COL11A2: variants seen among roughly 807,000 people sequenced by gnomAD.
COL11A2 encodes collagen alpha-2(XI) chain.
COL11A2 carries 116 observed loss-of-function variants against 273.4 expected under a neutral mutation model. The ratio of observed to expected loss-of-function variants is 0.42; its 90% CI spans 0.36 to 0.49. The LOEUF (loss-of-function observed/expected upper bound fraction) is 0.49, where lower values mean the gene tolerates loss of function less well. Ranked by LOEUF, COL11A2 falls within the 20% of genes least tolerant of loss-of-function variation. The pLI is 0.00. For synonymous variants in COL11A2, 782 were observed against 864.2 expected, an observed-to-expected ratio of 0.90 and a Z score of 1.67; for missense variants, 1,866 against 2,309.0, an observed-to-expected ratio of 0.81 and a Z score of 3.93.
In COL11A2 at chr6:33,184,144, C is replaced by T. The variant is rs367706373; in HGVS notation, c.1119+1G>A. On this transcript the variant is annotated splice_donor_variant, in intron 8 of 65. Transcript: ENST00000341947. LOFTEE classifies it high-confidence loss of function. ...ATGAAAGAGAAGCTCCTTTCACTTA[C>T]GGCTCCTGAGTGGGCTGTCTCCGCA... The T allele has an allele frequency of 4.4e-6, 6 of 1,367,102 alleles. No homozygotes were observed. The highest frequency in any genetic ancestry group is 4.5e-5 in the East Asian group (1 of 22,008). The allele number at this position is 1,367,102 out of a possible 1,614,324, so 84.7% of individuals were successfully genotyped here.
In COL11A2 at chr6:33,169,307, C is replaced by T; in HGVS notation, c.3798+76G>A. On this transcript the variant is annotated intron_variant, in intron 51 of 65. Coordinates refer to ENST00000341947, the MANE Select transcript of COL11A2 (RefSeq NM_080680.3). The surrounding 1 kb of genome is among the most constrained non-coding windows in gnomAD (Gnocchi z 5.5). Reference sequence around the variant, plus strand: ...GGCTCCCCACACTCCAAGATCCTCCCTCACACACACCCATATTCCCAGGTC... The same window carrying T: ...GGCTCCCCACACTCCAAGATCCTCCTTCACACACACCCATATTCCCAGGTC... 7.3e-7 allele frequency: 1 copy of T among 1,361,940 alleles called. No homozygotes were observed. The highest frequency in any genetic ancestry group is 1.2e-5 in the South Asian group (1 of 83,116). 84.4% of individuals were successfully genotyped at this position (1,361,940 alleles called of 1,614,324 possible). A position where few individuals can be genotyped will look rare whatever the true frequency, so the allele number is the denominator to read the frequency against.
rs552564095 is a variant in COL11A2 at position 33,189,309 on chromosome 6, G to A, written c.232+11C>T. 2 of 1,613,966 alleles carry A rather than the reference G, an allele frequency of 1.2e-6. No homozygotes were observed. The highest frequency in any genetic ancestry group is 2.2e-5 in the East Asian group (1 of 44,888). Reference sequence around the variant, plus strand: ...CCTCCCCCCAGGCCTACCCCACCATGTCACCCATACCTGGGAAAAGCTGGC... The same window carrying A: ...CCTCCCCCCAGGCCTACCCCACCATATCACCCATACCTGGGAAAAGCTGGC... On this transcript the variant is annotated intron_variant, in intron 2 of 65. Transcript: ENST00000341947. The surrounding 1 kb of genome is among the most constrained non-coding windows in gnomAD (Gnocchi z 5.6).
Position 33,192,414 on chromosome 6 carries a change from G to T in COL11A2, c.-174C>A, listed in dbSNP as rs138299820. 0.012 allele frequency: 7,685 copies of T among 659,880 alleles called. 181 individuals are homozygous for T. The highest frequency in any genetic ancestry group is 0.067 in the African/African-American group (3,706 of 55,188). 40.9% of individuals were successfully genotyped at this position (659,880 alleles called of 1,614,324 possible). On this transcript the variant is annotated 5_prime_UTR_variant, in exon 1 of 66. Coordinates refer to ENST00000341947, the MANE Select transcript of COL11A2 (RefSeq NM_080680.3). ...CAGCGGCCCAGCTCCATGCAGCAAG[G>T]CGCCGTCGGGGCTCCCGGCACTGCT...
Position 33,173,164 on chromosome 6 carries a change from G to T in COL11A2, c.2737-51C>A. 1 of 1,584,282 alleles carries T rather than the reference G, an allele frequency of 6.3e-7. No homozygotes were observed. ...AGTGAAAGCAGGTGTGGGCGCTGTG[G>T]GGCAGATTCCCAGGAGGAAGGATCC... On this transcript the variant is annotated intron_variant, in intron 37 of 65. Coordinates refer to ENST00000341947, the MANE Select transcript of COL11A2 (RefSeq NM_080680.3). This position sits in a 1 kb window ranked among gnomAD's most constrained non-coding sequence, Gnocchi z 6.3.
intron 3 of COL11A2, 124 bp downstream of exon 3, chr6:33,188,854 G>T: frequency 8.9e-7 from 1 of 1,124,302 alleles, no homozygotes; most frequent in Non-Finnish European, 1.4e-6. Context: ...TGAAGTTTGG[G>T]CAGTGGGTAG....
At position 33,172,319 on chromosome 6, in the gene COL11A2, G is replaced by T; in HGVS notation, c.2958C>A (p.Phe986Leu). ...TGCCTGGGAGGCCTCTCTCTCCTGG[G>T]AATCCCCTCAGACCAGCAGGACCAT... ...GKDGPAGLRG[F>L]PGERGLPGTA... The change falls in exon 40 of 66, where the codon TTC (phenylalanine) becomes TTA (leucine). Residue 986 changes from phenylalanine to leucine, a missense_variant. Physicochemically the swap from Phe to Leu is conservative, Grantham distance 22. Coordinates refer to ENST00000341947, the MANE Select transcript of COL11A2 (RefSeq NM_080680.3). 6.3e-7 allele frequency: 1 copy of T among 1,588,164 alleles called. No individual in the cohort carries two copies. Among genetic ancestry groups the T allele is most frequent in the Non-Finnish European group, 8.6e-7 (1 of 1,168,000 alleles).
Position 33,166,012 on chromosome 6 carries a change from G to C in COL11A2, c.4429-28C>G. On this transcript the variant is annotated intron_variant, in intron 61 of 65. Coordinates refer to ENST00000341947, the MANE Select transcript of COL11A2 (RefSeq NM_080680.3). This position sits in a 1 kb window ranked among gnomAD's most constrained non-coding sequence, Gnocchi z 4.8. ...GACAAGGAATAAATCAGGTCATGGA[G>C]GGGTCAAGAGGTCAAGCATGGATCA... 6.2e-7 allele frequency: 1 copy of C among 1,613,916 alleles called. No homozygotes were observed. Among genetic ancestry groups the C allele is most frequent in the East Asian group, 2.2e-5 (1 of 44,872 alleles).
chr6:33,191,441 C>T (rs1773096201), intron 1 of COL11A2, among the ~76,000 whole-genome samples: 1 of 152,216 alleles, frequency 6.6e-6, no homozygotes, highest in Non-Finnish European at 1.5e-5. Flanking sequence ...AATTCTGGGT[C>T]CTGGGAAAAA....
At position 33,171,260 on chromosome 6, in the gene COL11A2, T is replaced by C. The variant is rs767372372; in HGVS notation, c.3312+11A>G. 6.2e-6 allele frequency: 10 copies of C among 1,614,078 alleles called. No individual in the cohort carries two copies. The Admixed American group carries it at 6.7e-5, about 11-fold the overall frequency. ...GCCAGGAGGTCAGAAGTCAAGGTCATGGACACTTACATGTTCACCCTTGTT... is the reference window on the plus strand; with the variant it reads ...GCCAGGAGGTCAGAAGTCAAGGTCACGGACACTTACATGTTCACCCTTGTT... On this transcript the variant is annotated intron_variant, in intron 44 of 65. Transcript: ENST00000341947.
At position 33,171,096 on chromosome 6, in the gene COL11A2, G is replaced by T. The variant is rs1375907847; in HGVS notation, c.3366+18C>A. The T allele has an allele frequency of 1.3e-6, 2 of 1,574,036 alleles. No homozygotes were observed. Among genetic ancestry groups the T allele is most frequent in the Admixed American group, 3.8e-5 (2 of 52,772 alleles). On this transcript the variant is annotated intron_variant, in intron 45 of 65. Coordinates refer to ENST00000341947, the MANE Select transcript of COL11A2 (RefSeq NM_080680.3). ...CAGAGGCTGCTGGGCCTTCGGTGGG[G>T]GTGGAGGGGTCACTCACCGCTGCTC...
chr6:33,184,883 A>G, intron 7 of COL11A2, 109 bp downstream of exon 7: 1 of 898,938 alleles, frequency 1.1e-6, no homozygotes, highest in Non-Finnish European at 1.8e-6. Context: ...ATGAGGAAGA[A>G]CCCTCCGGCC....
Position 33,165,783 on chromosome 6 carries a change from T to C in COL11A2, c.4516A>G (p.Ile1506Val), listed in dbSNP as rs772312309. The change falls in exon 63 of 66, where the codon ATT (isoleucine) becomes GTT (valine). Residue 1506 changes from isoleucine to valine, a missense_variant. Ile to Val is a conservative substitution (Grantham distance 29). Coordinates refer to ENST00000341947, the MANE Select transcript of COL11A2 (RefSeq NM_080680.3). The surrounding 1 kb of genome is among the most constrained non-coding windows in gnomAD (Gnocchi z 7.7). The stretch of plus-strand genomic sequence containing the variant: ...CGCCGAGTCTTCTTGGGCATCTGAA[T>C]GGGCAGTGGCTGGATCACCTCGCCT... ...PPGEVIQPLP[I>V]QMPKKTRRSV... 9.9e-6 allele frequency: 16 copies of C among 1,612,934 alleles called. No individual in the cohort carries two copies. In the South Asian group the frequency reaches 1.3e-4, roughly 13 times the overall value.
rs138520374 is a variant in COL11A2 at position 33,187,577 on chromosome 6, G to C, written c.607-759C>G. Reference sequence around the variant, plus strand: ...GGCTTACATGCATTAATGAATGGGAGCATTGATAAATAGTGAATGAATAAA... The same window carrying C: ...GGCTTACATGCATTAATGAATGGGACCATTGATAAATAGTGAATGAATAAA... On this transcript the variant is annotated intron_variant, in intron 4 of 65. Coordinates refer to ENST00000341947, the MANE Select transcript of COL11A2 (RefSeq NM_080680.3). Among the ~76,000 whole-genome samples, 611 of 152,158 alleles carry C rather than the reference G, an allele frequency of 4.0e-3. 1 individual carries two copies. Among genetic ancestry groups the C allele is most frequent in the Middle Eastern group, 0.021 (6 of 292 alleles).
Position 33,166,705 on chromosome 6 carries a change from AT to A in COL11A2, c.4338+14del. ...CTCAACCCCCACAACTTCCGGGACC[AT>A]GCCCTCTACTCACCATCTCACCCTT... On this transcript the variant is annotated intron_variant, in intron 59 of 65. Transcript: ENST00000341947. This position sits in a 1 kb window ranked among gnomAD's most constrained non-coding sequence, Gnocchi z 4.8. The A allele has an allele frequency of 6.2e-7, 1 of 1,613,724 alleles. No individual in the cohort carries two copies. The highest frequency in any genetic ancestry group is 8.5e-7 in the Non-Finnish European group (1 of 1,179,878).
intron 8 of COL11A2, among the ~76,000 whole-genome samples, chr6:33,182,439 C>T (rs963108299): frequency 2.0e-5 from 3 of 151,150 alleles, no homozygotes; most frequent in African/African-American, 7.3e-5. Context: ...AGGCCAGGCA[C>T]GGTGGCGCAC....
Position 33,169,164 on chromosome 6 carries a change from G to A in COL11A2, c.3799-156C>T, listed in dbSNP as rs959444419. Among the ~76,000 whole-genome samples the A allele has an allele frequency of 6.6e-6, 1 of 152,060 alleles. No individual in the cohort carries two copies. The highest frequency in any genetic ancestry group is 2.4e-5 in the African/African-American group (1 of 41,386). On this transcript the variant is annotated intron_variant, in intron 51 of 65. Coordinates refer to ENST00000341947, the MANE Select transcript of COL11A2 (RefSeq NM_080680.3). This position sits in a 1 kb window ranked among gnomAD's most constrained non-coding sequence, Gnocchi z 5.5. ...CACCCCTTTCCCTACCACGTGCACT[G>A]CGTGTTGTCTAATTCCTCAAGGTAT... is the stretch of plus-strand genomic sequence containing the variant.
At chr6:33,175,951 T>C (rs1770834156) in intron 29 of COL11A2, 65 bp downstream of exon 29, 1 of 1,578,584 alleles carries the variant, frequency 6.3e-7, no homozygotes, top group Non-Finnish European at 8.7e-7. Flanking sequence ...AACCGGTGCT[T>C]GGCGTCTCCA....
upstream of COL11A2, chr6:33,192,608 C>T (rs750502930): frequency 8.1e-5 from 32 of 395,520 alleles, no homozygotes; most frequent in Admixed American, 5.8e-4. Flanking sequence ...GGAACCCTCC[C>T]TCTATCGCTC....
chr6:33,173,641 G>T lies in COL11A2; in HGVS notation c.2628+60C>A. The T allele has an allele frequency of 6.7e-7, 1 of 1,502,268 alleles. No individual in the cohort carries two copies. Among genetic ancestry groups the T allele is most frequent in the Admixed American group, 1.7e-5 (1 of 57,902 alleles). The allele number at this position is 1,502,268 out of a possible 1,614,324, so 93.1% of individuals were successfully genotyped here. A position where few individuals can be genotyped will look rare whatever the true frequency, so the allele number is the denominator to read the frequency against. ...GCTTCCTTCCTGGGGTGAGGAGGGA[G>T]CTGGCTCACCCAGGCTCCCTGGGGA... On this transcript the variant is annotated intron_variant, in intron 35 of 65. Transcript: ENST00000341947. This position sits in a 1 kb window ranked among gnomAD's most constrained non-coding sequence, Gnocchi z 6.3.
Sources: allele counts gnomAD v4.1 joint callset (sites outside exome capture counted in the v4.1 genomes callset), GRCh38; gene constraint gnomAD v4.1.1; non-coding constraint Gnocchi (gnomAD v3.1); transcripts MANE v1.5; gene names NCBI Gene and HGNC (gene_info 2026-07-23, HGNC 2026-07-21).